CA10: variants seen among roughly 807,000 people sequenced by gnomAD.
The protein encoded by CA10 is carbonic anhydrase-related protein 10.
A neutral mutation model predicts 44.2 loss-of-function variants in CA10; 14 were observed. The ratio of observed to expected loss-of-function variants is 0.32; its 90% CI spans 0.21 to 0.50. The LOEUF is 0.50. CA10 is among the 20% of genes least tolerant of loss of function. The probability of loss-of-function intolerance (pLI) is 0.99; values close to 1 mark genes in which losing one functional copy is unlikely to be tolerated. For missense variants in CA10, 350 were observed against 409.7 expected, an observed-to-expected ratio of 0.85 and a Z score of 1.26; for synonymous variants, 159 against 141.6, an observed-to-expected ratio of 1.12 and a Z score of -0.87.
chr17:51,804,004 T>C (rs17665206), intron 3 of CA10, among the ~76,000 whole-genome samples: 3,665 of 152,296 alleles, frequency 0.024, 81 homozygotes, highest in Non-Finnish European at 0.029. Flanking sequence ...CTTGACCAAG[T>C]TGCTAAACCT....
At chr17:52,023,069 A>C (rs1047235344) in intron 2 of CA10, among the ~76,000 whole-genome samples, 2 of 152,148 alleles carry the variant, frequency 1.3e-5, no homozygotes, top group African/African-American at 4.8e-5. Context: ...ATTCCTTGCA[A>C]ACTGCCAATG....
At chr17:51,643,736 G>A (rs1386904555) in intron 6 of CA10, among the ~76,000 whole-genome samples, 3 of 152,140 alleles carry the variant, frequency 2.0e-5, no homozygotes, top group African/African-American at 7.2e-5. Flanking sequence ...TGGCATCATA[G>A]CAACCTGCCT....
At chr17:51,900,364 C>T (rs960562637) in intron 3 of CA10, among the ~76,000 whole-genome samples, 5 of 152,186 alleles carry the variant, frequency 3.3e-5, no homozygotes, top group Admixed American at 1.3e-4. Flanking sequence ...CCCCCAATCT[C>T]TTCTGGGCTA....
At chr17:52,123,371 G>GGTAT (rs1555568609) in intron 1 of CA10, among the ~76,000 whole-genome samples, 4 of 146,244 alleles carry the variant, frequency 2.7e-5, no homozygotes, top group African/African-American at 5.2e-5. Flanking sequence ...ATATATATGG[G>GGTAT]GTGTGTGTGT....
At chr17:52,123,509 A>G (rs1168348706) in intron 1 of CA10, among the ~76,000 whole-genome samples, 3 of 152,154 alleles carry the variant, frequency 2.0e-5, no homozygotes, top group Non-Finnish European at 4.4e-5. Flanking sequence ...GAAACAAATC[A>G]GCTATGGCAA....
intron 3 of CA10, among the ~76,000 whole-genome samples, chr17:51,765,715 GTGTGTGTGTA>G (rs1195043811): frequency 1.3e-3 from 188 of 146,164 alleles, no homozygotes; most frequent in East Asian, 0.011. Flanking sequence ...GTGTGTGTGT[GTGTGTGTGTA>G]TGTGTGTGTG....
chr17:51,993,578 G>A (rs950762299), intron 2 of CA10, among the ~76,000 whole-genome samples: 2 of 151,958 alleles, frequency 1.3e-5, no homozygotes, highest in African/African-American at 4.8e-5. Context: ...TTAAATTCAC[G>A]GTGGAATGTG....
chr17:51,816,474 T>C (rs773776304), intron 3 of CA10, among the ~76,000 whole-genome samples: 1 of 152,208 alleles, frequency 6.6e-6, no homozygotes, highest in African/African-American at 2.4e-5. Context: ...TGTTTTTAGT[T>C]TTTTGGAGGA....
At chr17:52,086,869 CA>C (rs1181902199) in intron 1 of CA10, among the ~76,000 whole-genome samples, 1 of 152,212 alleles carries the variant, frequency 6.6e-6, no homozygotes, top group African/African-American at 2.4e-5. Context: ...GTCTTTTCCA[CA>C]TGCAGCTTTA....
At chr17:52,106,264 C>T (rs1004714567) in intron 1 of CA10, among the ~76,000 whole-genome samples, 2 of 152,190 alleles carry the variant, frequency 1.3e-5, no homozygotes, top group African/African-American at 2.4e-5. Flanking sequence ...CCATTCATTC[C>T]GTTTCCAAAT....
At chr17:52,020,604 GC>G in intron 2 of CA10, among the ~76,000 whole-genome samples, 1 of 151,958 alleles carries the variant, frequency 6.6e-6, no homozygotes, top group African/African-American at 2.4e-5. Context: ...GCTGTAATTT[GC>G]TTTAATTCTT....
intron 4 of CA10, among the ~76,000 whole-genome samples, chr17:51,682,533 G>A (rs559111853): frequency 1.3e-5 from 2 of 152,248 alleles, no homozygotes; most frequent in African/African-American, 4.8e-5. Flanking sequence ...CCTGCTCCCT[G>A]GATAAAGGTG....
chr17:51,944,493 TA>T (rs1983200230), intron 2 of CA10, among the ~76,000 whole-genome samples: 1 of 152,040 alleles, frequency 6.6e-6, no homozygotes, highest in African/African-American at 2.4e-5. Context: ...ACAAAGACAT[TA>T]ACAAGAACAT....
chr17:52,139,944 T>C (rs1412340671), intron 1 of CA10, among the ~76,000 whole-genome samples: 1 of 152,188 alleles, frequency 6.6e-6, no homozygotes, highest in Non-Finnish European at 1.5e-5. Context: ...AACGAAAGAA[T>C]AAAATCAACT....
intron 1 of CA10, among the ~76,000 whole-genome samples, chr17:52,096,898 T>C (rs1208986950): frequency 6.6e-6 from 1 of 152,230 alleles, no homozygotes; most frequent in Non-Finnish European, 1.5e-5. Context: ...GCTTTTTTCA[T>C]TTATCATAAT....
intron 4 of CA10, among the ~76,000 whole-genome samples, chr17:51,701,311 C>G (rs1915594962): frequency 6.6e-6 from 1 of 152,022 alleles, no homozygotes; most frequent in Non-Finnish European, 1.5e-5. Context: ...CATAAGGACA[C>G]CAGTTGTTGG....
chr17:51,961,548 T>C (rs998769312), intron 2 of CA10, among the ~76,000 whole-genome samples: 4 of 152,084 alleles, frequency 2.6e-5, no homozygotes, highest in African/African-American at 7.2e-5. Flanking sequence ...GTCAATAAAA[T>C]TTGATAAACT....
chr17:51,795,077 G>A (rs1906655824), intron 3 of CA10, among the ~76,000 whole-genome samples: 1 of 152,188 alleles, frequency 6.6e-6, no homozygotes, highest in African/African-American at 2.4e-5. Flanking sequence ...TTCATTTACT[G>A]AAAAAGGCCA....
chr17:51,867,675 C>T (rs575632191), intron 3 of CA10, among the ~76,000 whole-genome samples: 41 of 152,280 alleles, frequency 2.7e-4, no homozygotes, highest in African/African-American at 9.9e-4. Flanking sequence ...AATTCCAGTT[C>T]CTGGAAGGCA....
Sources: allele counts gnomAD v4.1 joint callset (sites outside exome capture counted in the v4.1 genomes callset), GRCh38; gene constraint gnomAD v4.1.1; transcripts MANE v1.5; gene names NCBI Gene and HGNC (gene_info 2026-07-23, HGNC 2026-07-21).